The following CENPP variants were observed in gnomAD, a reference collection of about 807,000 sequenced individuals.
CENPP encodes the protein centromere protein P.
CENPP carries 24 observed loss-of-function variants against 35.6 expected under a neutral mutation model. The ratio of observed to expected loss-of-function variants is 0.67; its 90% CI spans 0.49 to 0.95. The LOEUF is 0.95. Among genes scored for constraint, CENPP ranks in the 40% least tolerant of loss-of-function variants. The pLI is 0.00. For synonymous variants in CENPP, 120 were observed against 125.5 expected (o/e 0.96, Z 0.29); for missense variants, 332 against 345.3 (o/e 0.96, Z 0.31).
chr9:92,448,045 C>T (rs549990336), intron 5 of CENPP, among the ~76,000 whole-genome samples: 1 of 151,988 alleles, frequency 6.6e-6, no homozygotes, highest in Non-Finnish European at 1.5e-5. Flanking sequence ...GAGAAGAGAC[C>T]AAATGAAGGA....
At chr9:92,365,459 G>T (rs1488971117) in intron 4 of CENPP, among the ~76,000 whole-genome samples, 2 of 141,720 alleles carry the variant, frequency 1.4e-5, no homozygotes, top group Middle Eastern at 8.4e-3. Flanking sequence ...CACTCACGCT[G>T]GAGTTCAGGG....
At chr9:92,540,750 A>G (rs530227518) in intron 5 of CENPP, among the ~76,000 whole-genome samples, 26 of 149,436 alleles carry the variant, frequency 1.7e-4, no homozygotes, top group Admixed American at 4.0e-4. Flanking sequence ...TAGCCTGGGC[A>G]ACAGAGCACG....
chr9:92,400,633 G>A (rs1843074844), intron 5 of CENPP, among the ~76,000 whole-genome samples: 1 of 152,096 alleles, frequency 6.6e-6, no homozygotes, highest in Admixed American at 6.5e-5. Flanking sequence ...AAGTACACAG[G>A]AATTATTAAG....
intron 5 of CENPP, among the ~76,000 whole-genome samples, chr9:92,493,100 G>A (rs763028075): frequency 3.3e-5 from 5 of 152,206 alleles, no homozygotes; most frequent in Non-Finnish European, 5.9e-5. Context: ...AAGGCTGCAT[G>A]TTCTTGATGG....
chr9:92,502,396 G>A lies in CENPP; in HGVS notation c.565-108918G>A, dbSNP rs1280301115. The A allele has an allele frequency of 6.0e-5, 76 of 1,276,694 alleles. No individual in the cohort carries two copies. In the South Asian group the frequency reaches 7.6e-4, roughly 13 times the overall value. The allele number at this position is 1,276,694 out of a possible 1,614,324, so 79.1% of individuals were successfully genotyped here. A position where few individuals can be genotyped will look rare whatever the true frequency, so the allele number is the denominator to read the frequency against. ...TTCACTAAGAAACGATTCTGTCTCC[G>A]AGCCCTTCAGTATCGTCACCTCCCT... is the stretch of plus-strand genomic sequence containing the variant. On this transcript the variant is annotated intron_variant, in intron 5 of 7. Transcript: ENST00000375587.
chr9:92,367,244 A>G (rs1588064254), intron 4 of CENPP, among the ~76,000 whole-genome samples: 1 of 151,908 alleles, frequency 6.6e-6, no homozygotes, highest in Admixed American at 6.6e-5. Context: ...TCGGCTCACT[A>G]CAACCTCCAC....
intron 6 of CENPP, among the ~76,000 whole-genome samples, chr9:92,612,116 T>A (rs1361542138): frequency 6.6e-6 from 1 of 152,264 alleles, no homozygotes; most frequent in African/African-American, 2.4e-5. Flanking sequence ...TCACACCTCC[T>A]GGCACACAGT....
intron 5 of CENPP, among the ~76,000 whole-genome samples, chr9:92,428,473 C>G (rs1844024059): frequency 1.3e-5 from 2 of 152,136 alleles, no homozygotes; most frequent in South Asian, 4.1e-4. Flanking sequence ...CCTTGAGAAC[C>G]ACTGATGTAA....
chr9:92,589,887 TCA>T (rs1390618530), intron 5 of CENPP, among the ~76,000 whole-genome samples: 1 of 152,190 alleles, frequency 6.6e-6, no homozygotes, highest in East Asian at 1.9e-4. Flanking sequence ...CCTGACTCTA[TCA>T]GTTTTTATTC....
In CENPP at chr9:92,417,317, C is replaced by T. The variant is rs765217948; in HGVS notation, c.564+37458C>T. The T allele has an allele frequency of 5.9e-5, 96 of 1,613,738 alleles. No individual in the cohort carries two copies. In the Admixed American group the frequency reaches 1.4e-3, roughly 23 times the overall value. ...AATATTTGGGATAGTCTTGAGTTTGCGATTATCACAGTACATTGATGATGG... is the reference window on the plus strand; with the variant it reads ...AATATTTGGGATAGTCTTGAGTTTGTGATTATCACAGTACATTGATGATGG... On this transcript the variant is annotated intron_variant, in intron 5 of 7. Coordinates refer to ENST00000375587, the MANE Select transcript of CENPP (RefSeq NM_001012267.3).
chr9:92,526,963 C>A (rs868342002), intron 5 of CENPP, among the ~76,000 whole-genome samples: 5 of 152,148 alleles, frequency 3.3e-5, no homozygotes, highest in African/African-American at 7.2e-5. Flanking sequence ...TTATTTTAGA[C>A]CATATTCTTA....
intron 5 of CENPP, among the ~76,000 whole-genome samples, chr9:92,467,059 A>G (rs1845341986): frequency 1.3e-5 from 2 of 152,206 alleles, no homozygotes; most frequent in South Asian, 4.1e-4. Flanking sequence ...GTAAGGAAAA[A>G]AATCCTACCA....
chr9:92,554,620 G>A (rs192580112), intron 5 of CENPP, among the ~76,000 whole-genome samples: 61 of 152,174 alleles, frequency 4.0e-4, no homozygotes, highest in African/African-American at 1.3e-3. Context: ...CTATTAGCTA[G>A]TACTTTGTGC....
At chr9:92,334,688 T>A (rs753683608) in intron 2 of CENPP, among the ~76,000 whole-genome samples, 1 of 152,068 alleles carries the variant, frequency 6.6e-6, no homozygotes, top group Non-Finnish European at 1.5e-5. Context: ...AAGACCAGCC[T>A]GGCTAACATG....
At position 92,402,822 on chromosome 9, in the gene CENPP, T is replaced by C. The variant is rs185198741; in HGVS notation, c.564+22963T>C. Among the ~76,000 whole-genome samples the C allele has an allele frequency of 9.7e-3, 1,482 of 152,334 alleles. 13 individuals carry two copies. Among genetic ancestry groups the C allele is most frequent in the Non-Finnish European group, 0.016 (1,109 of 68,020 alleles). Reference sequence around the variant, plus strand: ...ACTCTTCTATGTATTTTCTTCAAATTGTTTTCTATAATAATAACCTTAAGC... The same window carrying C: ...ACTCTTCTATGTATTTTCTTCAAATCGTTTTCTATAATAATAACCTTAAGC... On this transcript the variant is annotated intron_variant, in intron 5 of 7. Coordinates refer to ENST00000375587, the MANE Select transcript of CENPP (RefSeq NM_001012267.3).
chr9:92,409,525 G>A (rs557633145), intron 5 of CENPP, among the ~76,000 whole-genome samples: 38 of 152,294 alleles, frequency 2.5e-4, no homozygotes, highest in Non-Finnish European at 4.3e-4. Flanking sequence ...GTGAAAATGT[G>A]TAGTGTTTCA....
At chr9:92,447,804 A>G (rs1250648659) in intron 5 of CENPP, among the ~76,000 whole-genome samples, 1 of 152,226 alleles carries the variant, frequency 6.6e-6, no homozygotes, top group East Asian at 1.9e-4. Context: ...AGCAACTCCT[A>G]GAAGTTTAGA....
At chr9:92,420,517 T>G (rs1057359319) in intron 5 of CENPP, among the ~76,000 whole-genome samples, 2 of 152,186 alleles carry the variant, frequency 1.3e-5, no homozygotes, top group African/African-American at 4.8e-5. Flanking sequence ...TAACCTCAAG[T>G]GCTGTCCTGC....
intron 5 of CENPP, among the ~76,000 whole-genome samples, chr9:92,390,587 T>TGTGTGTGTGCGC (rs749697394): frequency 2.1e-5 from 3 of 141,912 alleles, no homozygotes; most frequent in Non-Finnish European, 3.2e-5. Flanking sequence ...TGTGTGTGTG[T>TGTGTGTGTGCGC]GCGCGCGCGC....
Sources: allele counts gnomAD v4.1 joint callset (sites outside exome capture counted in the v4.1 genomes callset), GRCh38; gene constraint gnomAD v4.1.1; transcripts MANE v1.5; gene names NCBI Gene and HGNC (gene_info 2026-07-23, HGNC 2026-07-21).